The following FGF7 variants were observed in gnomAD, a reference collection of about 807,000 sequenced individuals.
FGF7 encodes FGF-7.
FGF7 carries 6 observed loss-of-function variants against 20.5 expected under a neutral mutation model. That is an observed-to-expected ratio of 0.29 (90% CI 0.16 to 0.58). The LOEUF is 0.58. Ranked by LOEUF, FGF7 falls within the 20% of genes least tolerant of loss-of-function variation. The probability of loss-of-function intolerance (pLI) is 0.90; values close to 1 mark genes in which losing one functional copy is unlikely to be tolerated. For missense variants in FGF7, 144 were observed against 228.8 expected (o/e 0.63, Z 2.39); for synonymous variants, 64 against 74.7 (o/e 0.86, Z 0.74).
intron 2 of FGF7, among the ~76,000 whole-genome samples, chr15:49,431,344 T>G (rs1336057882): frequency 6.6e-6 from 1 of 151,834 alleles, no homozygotes; most frequent in Non-Finnish European, 1.5e-5. Context: ...TGGACATATC[T>G]TTAGTAGAGA....
At chr15:49,429,832 T>A (rs2050438533) in intron 2 of FGF7, among the ~76,000 whole-genome samples, 2 of 151,844 alleles carry the variant, frequency 1.3e-5, no homozygotes, top group African/African-American at 4.8e-5. Context: ...ACTGGGGAAT[T>A]AAGTCAGAAT....
At chr15:49,456,533 C>T (rs2053307957) in intron 2 of FGF7, among the ~76,000 whole-genome samples, 1 of 152,044 alleles carries the variant, frequency 6.6e-6, no homozygotes, top group African/African-American at 2.4e-5. Context: ...AAGCATTCAA[C>T]TGGATATATA....
At chr15:49,455,040 T>C (rs2053149818) in intron 2 of FGF7, among the ~76,000 whole-genome samples, 3 of 152,156 alleles carry the variant, frequency 2.0e-5, no homozygotes, top group South Asian at 2.1e-4. Context: ...ATTTAAAGTG[T>C]AGTTGGGGGA....
chr15:49,441,344 T>C (rs1285597057), intron 2 of FGF7, among the ~76,000 whole-genome samples: 1 of 151,738 alleles, frequency 6.6e-6, no homozygotes. Flanking sequence ...TTAGAAAGCA[T>C]AACATATGTC....
At chr15:49,436,029 C>T (rs954929976) in intron 2 of FGF7, among the ~76,000 whole-genome samples, 1 of 151,354 alleles carries the variant, frequency 6.6e-6, no homozygotes, top group African/African-American at 2.4e-5. Context: ...ATGCTGTAAG[C>T]TTGCAATTAC....
At chr15:49,479,599 G>GTTTTTTTTTTTTTTT (rs56097665) in intron 2 of FGF7, among the ~76,000 whole-genome samples, 2 of 63,292 alleles carry the variant, frequency 3.2e-5, no homozygotes, top group African/African-American at 1.3e-4. Flanking sequence ...TAATACCTCT[G>GTTTTTTTTTTTTTTT]TTTTTTTTTT....
chr15:49,432,019 C>T (rs1041537581), intron 2 of FGF7, among the ~76,000 whole-genome samples: 1 of 151,482 alleles, frequency 6.6e-6, no homozygotes, highest in Non-Finnish European at 1.5e-5. Flanking sequence ...TGATTTTGTG[C>T]CGAAAACTGT....
chr15:49,466,513 T>G (rs1224780390), intron 2 of FGF7, among the ~76,000 whole-genome samples: 1 of 152,160 alleles, frequency 6.6e-6, no homozygotes, highest in African/African-American at 2.4e-5. Flanking sequence ...AAGAGGTTTT[T>G]GTTTGCTTTT....
intron 2 of FGF7, among the ~76,000 whole-genome samples, chr15:49,448,266 T>C (rs2052404133): frequency 6.6e-6 from 1 of 151,630 alleles, no homozygotes; most frequent in South Asian, 2.1e-4. Context: ...CTACATCTCC[T>C]TCCAAATTTG....
chr15:49,450,311 C>T (rs1326762866), intron 2 of FGF7, among the ~76,000 whole-genome samples: 1 of 152,016 alleles, frequency 6.6e-6, no homozygotes, highest in Non-Finnish European at 1.5e-5. Context: ...CTCTTTCTTC[C>T]AAATCTTGGA....
chr15:49,478,405 T>C (rs1416256816), intron 2 of FGF7, among the ~76,000 whole-genome samples: 1 of 152,100 alleles, frequency 6.6e-6, no homozygotes, highest in Non-Finnish European at 1.5e-5. Flanking sequence ...ATTTTTTGCA[T>C]ATATGTATAT....
intron 2 of FGF7, among the ~76,000 whole-genome samples, chr15:49,428,476 C>T (rs1408787062): frequency 6.6e-6 from 1 of 151,936 alleles, no homozygotes; most frequent in East Asian, 1.9e-4. Context: ...CCCATGGGGA[C>T]AAGATCAGAG....
At chr15:49,451,022 G>T (rs1036384635) in intron 2 of FGF7, among the ~76,000 whole-genome samples, 4 of 151,994 alleles carry the variant, frequency 2.6e-5, no homozygotes, top group African/African-American at 4.8e-5. Context: ...GGAAATATAT[G>T]TCTAAAAACT....
intron 2 of FGF7, among the ~76,000 whole-genome samples, chr15:49,464,532 A>G (rs1419293429): frequency 1.3e-5 from 2 of 152,194 alleles, no homozygotes; most frequent in Non-Finnish European, 2.9e-5. Context: ...GAACATTTAT[A>G]TATAGGTAGG....
chr15:49,475,665 A>T (rs1294788507), intron 2 of FGF7, among the ~76,000 whole-genome samples: 1 of 152,132 alleles, frequency 6.6e-6, no homozygotes, highest in Non-Finnish European at 1.5e-5. Context: ...CTTTGTAACA[A>T]TTCCCAAGAA....
At chr15:49,448,069 C>G (rs1268541500) in intron 2 of FGF7, among the ~76,000 whole-genome samples, 1 of 151,636 alleles carries the variant, frequency 6.6e-6, no homozygotes, top group Non-Finnish European at 1.5e-5. Flanking sequence ...CAGTAAATAA[C>G]AAACTTATCA....
chr15:49,483,856 C>T (rs1206301919), intron 3 of FGF7, among the ~76,000 whole-genome samples: 1 of 152,006 alleles, frequency 6.6e-6, no homozygotes, highest in Non-Finnish European at 1.5e-5. Flanking sequence ...AACAAATTAA[C>T]CTTTTATCTT....
At chr15:49,484,045 G>A (rs968895068) in intron 3 of FGF7, among the ~76,000 whole-genome samples, 6 of 152,014 alleles carry the variant, frequency 3.9e-5, no homozygotes, top group African/African-American at 1.4e-4. Flanking sequence ...TTAAAGAATA[G>A]TTGACATGAA....
At chr15:49,481,416 A>C (rs1371944774) in intron 2 of FGF7, among the ~76,000 whole-genome samples, 1 of 152,226 alleles carries the variant, frequency 6.6e-6, no homozygotes. Context: ...CCTTTACTGC[A>C]ATGAAGTTGT....
Sources: gnomAD v4.1 joint callset for allele counts (sites outside exome capture counted in the v4.1 genomes callset) on GRCh38, gnomAD v4.1.1 for gene constraint, MANE v1.5 for transcripts, NCBI Gene and HGNC (gene_info 2026-07-23, HGNC 2026-07-21) for gene names.